CLPTM1L: variants seen among roughly 807,000 people sequenced by gnomAD.
CLPTM1L encodes CLPTM1 like.
Under a neutral mutation model 70.9 loss-of-function variants are expected in CLPTM1L, and 38 were observed. The observed-to-expected ratio is 0.54, with a 90% confidence interval of 0.41 to 0.70. CLPTM1L has a LOEUF of 0.70. Ranked by LOEUF, CLPTM1L falls within the 30% of genes least tolerant of loss-of-function variation. The pLI, the probability that CLPTM1L is intolerant of heterozygous loss-of-function variation, is 0.00. For missense variants in CLPTM1L, 652 were observed against 705.9 expected, an observed-to-expected ratio of 0.92 and a Z score of 0.87; for synonymous variants, 339 against 299.9, an observed-to-expected ratio of 1.13 and a Z score of -1.35.
At chr5:1,326,986 C>CGGACACATTCCATCCAGCTCCTCCTCG (rs1561234526) in intron 9 of CLPTM1L, among the ~76,000 whole-genome samples, 1 of 114,748 alleles carries the variant, frequency 8.7e-6, no homozygotes, top group African/African-American at 3.0e-5. Flanking sequence ...GCTCCTCCTC[C>CGGACACATTCCATCCAGCTCCTCCTCG]ACAGGGACAT....
At chr5:1,328,216 TCATCCAGCTCCTCCTCTGCAGACACATTC>T (rs1752762809) in intron 9 of CLPTM1L, among the ~76,000 whole-genome samples, 1 of 13,888 alleles carries the variant, frequency 7.2e-5, no homozygotes, top group African/African-American at 6.0e-4. Context: ...CAGACACATT[TCATCCAGCTCCTCCTCTGCAGACACATTC>T]CATCCAGCTC....
chr5:1,334,272 C>A lies in CLPTM1L; in HGVS notation c.891+17G>T, dbSNP rs778090306. 5 of 1,605,822 alleles carry A rather than the reference C, an allele frequency of 3.1e-6. No homozygotes were observed. The East Asian group carries it at 1.1e-4, about 36-fold the overall frequency. ...CCCCCCAAGTGCCTGCGGCAAGCCC[C>A]CCGGTGGATGACTCACATGGAACGC... On this transcript the variant is annotated intron_variant, in intron 7 of 16. Coordinates refer to ENST00000320895, the MANE Select transcript of CLPTM1L (RefSeq NM_030782.5).
rs902143775 is a variant in CLPTM1L at position 1,340,656 on chromosome 5, G to A, written c.453+1015C>T. On this transcript the variant is annotated intron_variant, in intron 3 of 16. Coordinates refer to ENST00000320895, the MANE Select transcript of CLPTM1L (RefSeq NM_030782.5). ...GAGGGATGTTCCTAAGGAGACAGAT[G>A]CAAACTGGGGAGAGGCAGGAGCAGG... 3.9e-5 allele frequency among the ~76,000 whole-genome samples: 6 copies of A among 152,222 alleles called. No individual in the cohort carries two copies. The South Asian group carries it at 8.3e-4, about 21-fold the overall frequency.
intron 8 of CLPTM1L, chr5:1,330,730 G>A: frequency 4.0e-6 from 1 of 247,720 alleles, no homozygotes; most frequent in Non-Finnish European, 7.8e-6. Flanking sequence ...ATAAGTGCGT[G>A]GCTTTTCAAG....
rs879397959 is a variant in CLPTM1L, at chr5:1,342,037, T to TGCGCGC, written c.264-178_264-177insGCGCGC. Among the ~76,000 whole-genome samples the TGCGCGC allele has an allele frequency of 2.3e-5, 3 of 128,626 alleles. No individual in the cohort carries two copies. Among genetic ancestry groups the TGCGCGC allele is most frequent in the African/African-American group, 7.3e-5 (2 of 27,518 alleles). 84.4% of individuals were successfully genotyped at this position (128,626 alleles called of 152,430 possible). A position where few individuals can be genotyped will look rare whatever the true frequency, so the allele number is the denominator to read the frequency against. On this transcript the variant is annotated intron_variant, in intron 2 of 16. Coordinates refer to ENST00000320895, the MANE Select transcript of CLPTM1L (RefSeq NM_030782.5). The surrounding 1 kb of genome is among the most constrained non-coding windows in gnomAD (Gnocchi z 4.3). ...GTGTGTGTGTGTGTGTGTGTGTGTG[T>TGCGCGC]GTGCACGCGCACGCGTGCGCGTCCT...
intron 7 of CLPTM1L, 27 bp downstream of exon 7, chr5:1,334,262 C>T (rs776658007): frequency 1.1e-5 from 18 of 1,587,470 alleles, no homozygotes; most frequent in Middle Eastern, 1.7e-4. Flanking sequence ...CAAGTGCCTG[C>T]GGCAAGCCCC....
chr5:1,333,787 A>G (rs1753355443), intron 7 of CLPTM1L, among the ~76,000 whole-genome samples: 2 of 151,720 alleles, frequency 1.3e-5, no homozygotes, highest in Non-Finnish European at 1.5e-5. Flanking sequence ...AGGGGGGACT[A>G]CTGTATACAC....
Position 1,335,061 on chromosome 5 carries a change from C to T in CLPTM1L, c.792G>A (p.Gln264=), listed in dbSNP as rs34536907. 9.5e-4 allele frequency: 1,540 copies of T among 1,612,812 alleles called. 14 individuals carry two copies. The African/African-American group carries it at 0.019, about 20-fold the overall frequency. The part of the protein sequence containing the change: ...HMQDAVYSLQ[Q]FGFSEKDADE... ...CCGGCCGTGTGCGGCACATACCGAACTGCTGCAGGGAGTACACGGCGTCCT... is the reference window on the plus strand; with the variant it reads ...CCGGCCGTGTGCGGCACATACCGAATTGCTGCAGGGAGTACACGGCGTCCT... Residue 264 remains glutamine, a synonymous_variant, in exon 6 of 17, where the codon CAG becomes CAA. Transcript: ENST00000320895.
At chr5:1,330,210 C>A in intron 9 of CLPTM1L, 70 bp downstream of exon 9, 2 of 1,302,828 alleles carry the variant, frequency 1.5e-6, no homozygotes, top group Non-Finnish European at 2.2e-6. Flanking sequence ...GGTCCCGGGG[C>A]TGAAAGCCTT....
intron 9 of CLPTM1L, among the ~76,000 whole-genome samples, chr5:1,327,258 T>C (rs1288884207): frequency 1.5e-4 from 22 of 148,972 alleles, no homozygotes; most frequent in Admixed American, 1.4e-3. Flanking sequence ...ACAGACACAT[T>C]CCATCCAGCT....
At chr5:1,321,538 T>C (rs760554301) in intron 15 of CLPTM1L, 97 bp downstream of exon 15, 3 of 1,072,516 alleles carry the variant, frequency 2.8e-6, no homozygotes, top group Non-Finnish European at 4.4e-6. Context: ...AGATGCACTC[T>C]GGGCAGAGAT....
At chr5:1,336,384 A>G (rs1753580165) in intron 5 of CLPTM1L, among the ~76,000 whole-genome samples, 1 of 152,158 alleles carries the variant, frequency 6.6e-6, no homozygotes, top group Non-Finnish European at 1.5e-5. Flanking sequence ...CTCCATAACC[A>G]CTGGAACGCA....
intron 15 of CLPTM1L, among the ~76,000 whole-genome samples, chr5:1,321,022 C>T (rs1004925645): frequency 7.9e-5 from 12 of 152,126 alleles, no homozygotes; most frequent in African/African-American, 2.4e-4. Flanking sequence ...TGGAGCCGCC[C>T]GAGACAGAGC....
rs148982705 is a variant in CLPTM1L at position 1,334,139 on chromosome 5, C to G, written c.891+150G>C. 4 of 567,754 alleles carry G rather than the reference C, an allele frequency of 7.0e-6. No homozygotes were observed. The East Asian group carries it at 1.2e-4, about 17-fold the overall frequency. 35.2% of individuals were successfully genotyped at this position (567,754 alleles called of 1,614,324 possible). On this transcript the variant is annotated intron_variant, in intron 7 of 16. Coordinates refer to ENST00000320895, the MANE Select transcript of CLPTM1L (RefSeq NM_030782.5). ...GGGACAATGGTCGCCTGGTGTCAGG[C>G]GTGCTGGCTGCTGAGTGATGGGAGT...
At chr5:1,323,231 G>A (rs1025918515) in intron 12 of CLPTM1L, among the ~76,000 whole-genome samples, 17 of 150,254 alleles carry the variant, frequency 1.1e-4, no homozygotes, top group Non-Finnish European at 2.2e-4. Flanking sequence ...AGCAGAGGCC[G>A]GGCACTCCAG....
chr5:1,340,715 G>A lies in CLPTM1L; in HGVS notation c.453+956C>T, dbSNP rs370700341. ...GGGCTTTCAAAACCCCATCAACTCC[G>A]AGAGACCTCTCTTTCTCTCTGTCTG... On this transcript the variant is annotated intron_variant, in intron 3 of 16. Coordinates refer to ENST00000320895, the MANE Select transcript of CLPTM1L (RefSeq NM_030782.5). Among the ~76,000 whole-genome samples, 67 of 151,390 alleles carry A rather than the reference G, an allele frequency of 4.4e-4. 1 individual carries two copies. The South Asian group carries it at 7.9e-3, about 18-fold the overall frequency.
intron 4 of CLPTM1L, chr5:1,338,410 G>T (rs556677947): frequency 1.5e-3 from 247 of 165,404 alleles, no homozygotes; most frequent in Non-Finnish European, 2.0e-3. Flanking sequence ...GCAGGAGTTG[G>T]GGGGGGGATC....
At chr5:1,325,541 G>T in intron 10 of CLPTM1L, 1 of 575,732 alleles carries the variant, frequency 1.7e-6, no homozygotes. Context: ...CGTCTGCACT[G>T]AAGACGGTCA....
At chr5:1,330,426 C>A in intron 8 of CLPTM1L, 43 bp from the exon 9 acceptor site, 2 of 1,529,980 alleles carry the variant, frequency 1.3e-6, no homozygotes, top group South Asian at 1.1e-5. Context: ...GCAGGGCAGA[C>A]CCCACCTGTG....
Sources: gnomAD v4.1 joint callset for allele counts (sites outside exome capture counted in the v4.1 genomes callset) on GRCh38, gnomAD v4.1.1 for gene constraint, Gnocchi (gnomAD v3.1) non-coding constraint, MANE v1.5 for transcripts, NCBI Gene and HGNC (gene_info 2026-07-23, HGNC 2026-07-21) for gene names.